The following FCHO1 variants were observed in gnomAD, a reference collection of about 807,000 sequenced individuals.
FCHO1 encodes the protein FCH and mu domain containing endocytic adaptor 1.
FCHO1 carries 45 observed loss-of-function variants against 114.4 expected under a neutral mutation model. That is an observed-to-expected ratio of 0.39 (90% CI 0.31 to 0.50). The LOEUF (loss-of-function observed/expected upper bound fraction) is 0.50. FCHO1 is among the 20% of genes least tolerant of loss of function. The pLI is 0.77. For missense variants in FCHO1, 1,042 were observed against 1,209.6 expected, an observed-to-expected ratio of 0.86 and a Z score of 2.06; for synonymous variants, 480 against 488.9, an observed-to-expected ratio of 0.98 and a Z score of 0.24.
chr19:17,786,331 T>TCAAAAAAACACA (rs529126317), intron 26 of FCHO1, among the ~76,000 whole-genome samples: 20 of 149,898 alleles, frequency 1.3e-4, no homozygotes, highest in African/African-American at 4.7e-4. Flanking sequence ...AGACACCATC[T>TCAAAAAAACACA]CAAAAAAACA....
At chr19:17,783,977 A>T in intron 24 of FCHO1, 126 bp from the exon 25 acceptor site, 2 of 1,183,270 alleles carry the variant, frequency 1.7e-6, no homozygotes, top group Non-Finnish European at 2.4e-6. Context: ...ACAACCACCC[A>T]GGTAGGGCTT....
At chr19:17,749,935 GGATCCTGGAAGCCA>G (rs2081494422), upstream of FCHO1, among the ~76,000 whole-genome samples, 1 of 152,194 alleles carries the variant, frequency 6.6e-6, no homozygotes. Context: ...CTGTTTCCCA[GGATCCTGGAAGCCA>G]GATCGTGGAA....
At chr19:17,749,147 C>T (rs549441049), upstream of FCHO1, among the ~76,000 whole-genome samples, 4 of 152,254 alleles carry the variant, frequency 2.6e-5, no homozygotes, top group South Asian at 4.1e-4. Flanking sequence ...AGGGGTGAAC[C>T]TGTTCTCGGG....
intron 4 of FCHO1, among the ~76,000 whole-genome samples, chr19:17,756,073 C>T (rs1246719658): frequency 1.3e-5 from 2 of 152,178 alleles, no homozygotes; most frequent in Admixed American, 6.5e-5. Flanking sequence ...AGTTGCAGGC[C>T]CTGAGCTTGC....
upstream of FCHO1, among the ~76,000 whole-genome samples, chr19:17,751,076 G>A (rs1006331173): frequency 6.6e-6 from 1 of 152,048 alleles, no homozygotes; most frequent in African/African-American, 2.4e-5. The surrounding 1 kb of genome is among the most constrained non-coding windows in gnomAD (Gnocchi z 4.4). Context: ...TCTTGACCTC[G>A]TGATCCACCC....
Position 17,774,265 on chromosome 19 carries a change from G to A in FCHO1, c.817G>A (p.Ala273Thr), listed in dbSNP as rs2092289427. 2 of 1,614,012 alleles carry A rather than the reference G, an allele frequency of 1.2e-6. No homozygotes were observed. Among genetic ancestry groups the A allele is most frequent in the Admixed American group, 3.3e-5 (2 of 60,000 alleles). ...PGPLDFEAYS[A>T]AALQEAMKRL... ...ACCTCTGGACTTCGAGGCATACAGT[G>A]CGGCTGCCCTGCAGGAAGGCAAGTA... is the stretch of plus-strand genomic sequence containing the variant. Residue 273 changes from alanine (A) to threonine (T), a missense_variant, in exon 12 of 29, where the codon GCG becomes ACG. Physicochemically the swap from Ala to Thr is moderately conservative, Grantham distance 58. Coordinates refer to ENST00000596536, the MANE Select transcript of FCHO1 (RefSeq NM_015122.3).
rs898948910 is a variant in FCHO1, at chr19:17,782,958, G to A, written c.1938-59G>A. ...GGCACCAGTGAAACCAAGAGAAGGGGAAGGATGAGGCACCAGGCAGAGCCC... is the reference window on the plus strand; with the variant it reads ...GGCACCAGTGAAACCAAGAGAAGGGAAAGGATGAGGCACCAGGCAGAGCCC... On this transcript the variant is annotated intron_variant, in intron 23 of 28. Transcript: ENST00000596536. 3.8e-6 allele frequency: 6 copies of A among 1,581,282 alleles called. No homozygotes were observed. The African/African-American group carries it at 6.7e-5, about 18-fold the overall frequency.
chr19:17,767,058 T>G (rs1274520398), intron 7 of FCHO1, among the ~76,000 whole-genome samples: 1 of 148,162 alleles, frequency 6.7e-6, no homozygotes, highest in Non-Finnish European at 1.5e-5. Flanking sequence ...CACCAATGTT[T>G]GTACAGCTAA....
rs1568341674 is a variant in FCHO1 at position 17,769,621 on chromosome 19, AC to A, written c.337-803del. 6.7e-4 allele frequency among the ~76,000 whole-genome samples: 87 copies of A among 130,042 alleles called. 1 individual carries two copies. The highest frequency in any genetic ancestry group is 2.2e-3 in the African/African-American group (82 of 36,620). 85.3% of individuals were successfully genotyped at this position (130,042 alleles called of 152,430 possible). On this transcript the variant is annotated intron_variant, in intron 7 of 28. Transcript: ENST00000596536. ...CACACACACACACACACACACACAC[AC>A]ACACACACACAAAACGGTGAGTTAA...
chr19:17,781,303 G>A lies in FCHO1; in HGVS notation c.1700G>A (p.Arg567Lys). 1 of 1,614,022 alleles carries A rather than the reference G, an allele frequency of 6.2e-7. No individual in the cohort carries two copies. The highest frequency in any genetic ancestry group is 8.5e-7 in the Non-Finnish European group (1 of 1,179,950). ...LAAPPRRLRS[R>K]KVSCPLTRSN... Reference sequence around the variant, plus strand: ...GCCCCACCCAGGAGACTTCGCTCTAGGAAGGTGTCCTGCCCTCTCACACGT... The same window carrying A: ...GCCCCACCCAGGAGACTTCGCTCTAAGAAGGTGTCCTGCCCTCTCACACGT... Residue 567 changes from arginine to lysine, a missense_variant, in exon 21 of 29, where the codon AGG (arginine) becomes AAG (lysine). By Grantham distance (26) the Arg-to-Lys change is conservative. Transcript: ENST00000596536.
rs752800693 is a variant in FCHO1 at position 17,776,687 on chromosome 19, G to T, written c.1259+1G>T. ...CTCGGTCTGCCCCCAGAACCAGCAG[G>T]TGGGTTCCACACGAGTGGGCAGGTG... On this transcript the variant is annotated splice_donor_variant, in intron 18 of 28. Coordinates refer to ENST00000596536, the MANE Select transcript of FCHO1 (RefSeq NM_015122.3). LOFTEE classifies it high-confidence loss of function. This position sits in a 1 kb window ranked among gnomAD's most constrained non-coding sequence, Gnocchi z 4.4. 1 of 1,613,644 alleles carries T rather than the reference G, an allele frequency of 6.2e-7. No homozygotes were observed. The highest frequency in any genetic ancestry group is 8.5e-7 in the Non-Finnish European group (1 of 1,179,898).
chr19:17,766,884 T>G, intron 7 of FCHO1, 74 bp downstream of exon 7: 1 of 1,502,444 alleles, frequency 6.7e-7, no homozygotes, highest in African/African-American at 1.4e-5. Flanking sequence ...CCAGATCTTC[T>G]GGGGCTTTAT....
In FCHO1 at chr19:17,775,016, C is replaced by A; in HGVS notation, c.921-40C>A. 6.2e-7 allele frequency: 1 copy of A among 1,612,548 alleles called. No individual in the cohort carries two copies. Among genetic ancestry groups the A allele is most frequent in the Non-Finnish European group, 8.5e-7 (1 of 1,179,110 alleles). Reference sequence around the variant, plus strand: ...GGGCTGACAGGGGGCACCAGATGGGCTGCGGAAGCTGACACCAACATCTCT... The same window carrying A: ...GGGCTGACAGGGGGCACCAGATGGGATGCGGAAGCTGACACCAACATCTCT... On this transcript the variant is annotated intron_variant, in intron 13 of 28. Coordinates refer to ENST00000596536, the MANE Select transcript of FCHO1 (RefSeq NM_015122.3). This position sits in a 1 kb window ranked among gnomAD's most constrained non-coding sequence, Gnocchi z 5.1.
At chr19:17,786,664 G>T in intron 27 of FCHO1, 35 bp downstream of exon 27, 1 of 1,434,046 alleles carries the variant, frequency 7.0e-7, no homozygotes. Flanking sequence ...CTGGGTGGGA[G>T]GGACTGGGGT....
rs2092900158 is a variant in FCHO1 at position 17,778,244 on chromosome 19, G to C, written c.1351+16G>C. 1 of 1,599,486 alleles carries C rather than the reference G, an allele frequency of 6.3e-7. No individual in the cohort carries two copies. The highest frequency in any genetic ancestry group is 1.7e-5 in the Admixed American group (1 of 59,990). On this transcript the variant is annotated intron_variant, in intron 19 of 28. Coordinates refer to ENST00000596536, the MANE Select transcript of FCHO1 (RefSeq NM_015122.3). ...GATTTTACAGGTGATGGGGATAAGG[G>C]ATTGGAGGGCATGGGTGTGGCCGGA...
chr19:17,776,295 G>C lies in FCHO1; in HGVS notation c.1207+24G>C. The C allele has an allele frequency of 6.2e-7, 1 of 1,614,198 alleles. No homozygotes were observed. Among genetic ancestry groups the C allele is most frequent in the Non-Finnish European group, 8.5e-7 (1 of 1,180,018 alleles). On this transcript the variant is annotated intron_variant, in intron 17 of 28. Coordinates refer to ENST00000596536, the MANE Select transcript of FCHO1 (RefSeq NM_015122.3). This position sits in a 1 kb window ranked among gnomAD's most constrained non-coding sequence, Gnocchi z 4.4. ...ACGTGAGTAGCCTTTGGTCTTCAGAGTGGGGAGGATCCTAAGGAAGGGAGG... is the reference window on the plus strand; with the variant it reads ...ACGTGAGTAGCCTTTGGTCTTCAGACTGGGGAGGATCCTAAGGAAGGGAGG...
intron 13 of FCHO1, 148 bp from the exon 14 acceptor site, chr19:17,774,908 C>A: frequency 3.7e-6 from 3 of 806,068 alleles, no homozygotes; most frequent in Non-Finnish European, 4.1e-6. Context: ...CCCAAGCAAG[C>A]CCCATGGTCC....
upstream of FCHO1, among the ~76,000 whole-genome samples, chr19:17,750,697 A>C (rs12980192): frequency 6.6e-6 from 1 of 151,590 alleles, no homozygotes; most frequent in Non-Finnish European, 1.5e-5. Flanking sequence ...GGGCTCAAGC[A>C]ATCCACCTGC....
At chr19:17,781,209 G>A (rs372816525) in intron 20 of FCHO1, 22 bp from the exon 21 acceptor site, 33 of 1,568,682 alleles carry the variant, frequency 2.1e-5, no homozygotes, top group Admixed American at 1.9e-4. Context: ...TCTCAGCAGT[G>A]CCTCTTTGTA....
Sources: allele counts gnomAD v4.1 joint callset (sites outside exome capture counted in the v4.1 genomes callset), GRCh38; gene constraint gnomAD v4.1.1; non-coding constraint Gnocchi (gnomAD v3.1); transcripts MANE v1.5; gene names NCBI Gene and HGNC (gene_info 2026-07-23, HGNC 2026-07-21).